ARPC1A: variants seen among roughly 807,000 people sequenced by gnomAD.
ARPC1A encodes the protein actin-related protein 2/3 complex subunit 1A.
A neutral mutation model predicts 46.9 loss-of-function variants in ARPC1A; 8 were observed. The observed-to-expected ratio is 0.17, with a 90% CI of 0.10 to 0.31. The LOEUF (loss-of-function observed/expected upper bound fraction) is 0.31, where lower values mean the gene tolerates loss of function less well. Among genes scored for constraint, ARPC1A ranks in the 10% least tolerant of loss-of-function variants. The pLI, the probability that ARPC1A is intolerant of heterozygous loss-of-function variation, is 1.00. For missense variants in ARPC1A, 286 were observed against 483.6 expected, an observed-to-expected ratio of 0.59 and a Z score of 3.83; for synonymous variants, 152 against 169.0, an observed-to-expected ratio of 0.90 and a Z score of 0.78.
At chr7:99,336,500 TTTTTTTTTTG>T in intron 2 of ARPC1A, among the ~76,000 whole-genome samples, 1 of 143,872 alleles carries the variant, frequency 7.0e-6, no homozygotes, top group African/African-American at 2.6e-5. Context: ...TTTTTTTTTT[TTTTTTTTTTG>T]AGACAGGGTC....
chr7:99,364,453 G>A (rs1287602205), intron 9 of ARPC1A, among the ~76,000 whole-genome samples: 2 of 151,606 alleles, frequency 1.3e-5, no homozygotes, highest in African/African-American at 4.9e-5. Flanking sequence ...TGTGTTTTTA[G>A]TAGAGATGGG....
chr7:99,359,694 G>A lies in ARPC1A; in HGVS notation c.939G>A (p.Glu313=). The part of the protein sequence containing the change: ...FRNMDKRATT[E]DRNTALETLH... ...ACATGGACAAGAGAGCCACAACTGA[G>A]GACCGCAACACGGCCTTGGAGACGC... The change falls in exon 8 of 10, where the codon GAG becomes GAA. Residue 313 remains glutamate (E), a synonymous_variant. Coordinates refer to ENST00000262942, the MANE Select transcript of ARPC1A (RefSeq NM_006409.4). The A allele has an allele frequency of 6.2e-7, 1 of 1,614,200 alleles. No individual in the cohort carries two copies.
chr7:99,365,109 C>T (rs548487898), intron 9 of ARPC1A, among the ~76,000 whole-genome samples: 1 of 152,102 alleles, frequency 6.6e-6, no homozygotes, highest in Non-Finnish European at 1.5e-5. Flanking sequence ...GCCTCTGAGG[C>T]GCTGCCCGTG....
chr7:99,334,108 C>T (rs923004953), intron 2 of ARPC1A, among the ~76,000 whole-genome samples: 2 of 150,762 alleles, frequency 1.3e-5, no homozygotes, highest in Non-Finnish European at 2.9e-5. Context: ...TGTCTGTAAT[C>T]CCAGCACTTT....
intron 1 of ARPC1A, among the ~76,000 whole-genome samples, chr7:99,328,883 C>T (rs537229801): frequency 6.6e-6 from 1 of 151,270 alleles, no homozygotes; most frequent in South Asian, 2.1e-4. Context: ...CCTGGGAAGC[C>T]GAGGTTGCAG....
intron 3 of ARPC1A, among the ~76,000 whole-genome samples, chr7:99,343,125 A>G (rs1243733743): frequency 6.6e-6 from 1 of 152,124 alleles, no homozygotes; most frequent in African/African-American, 2.4e-5. Flanking sequence ...ATAAATATTT[A>G]TTAGTAATAT....
At position 99,338,181 on chromosome 7, in the gene ARPC1A, A is replaced by T; in HGVS notation, c.65A>T (p.Gln22Leu). The T allele has an allele frequency of 6.2e-7, 1 of 1,605,848 alleles. No homozygotes were observed. Among genetic ancestry groups the T allele is most frequent in the Non-Finnish European group, 8.5e-7 (1 of 1,173,044 alleles). Residue 22 changes from glutamine to leucine, a missense_variant and splice_region_variant, in exon 3 of 10, where the codon CAG becomes CTG. Transcript: ENST00000262942. ...ACTGTTGTTTGACTTGTGTCTCCAGAGATTGCCCTCAGTCCCAATAATCAC... is the reference window on the plus strand; with the variant it reads ...ACTGTTGTTTGACTTGTGTCTCCAGTGATTGCCCTCAGTCCCAATAATCAC... ...TCHAWNRDRT[Q>L]IALSPNNHEV...
intron 6 of ARPC1A, among the ~76,000 whole-genome samples, chr7:99,354,420 G>T (rs1489075147): frequency 2.0e-5 from 3 of 151,064 alleles, no homozygotes; most frequent in Admixed American, 6.6e-5. Flanking sequence ...TACTCGGAAG[G>T]CTGAGGCAGA....
At chr7:99,355,790 A>G (rs1793617485) in intron 6 of ARPC1A, among the ~76,000 whole-genome samples, 1 of 151,246 alleles carries the variant, frequency 6.6e-6, no homozygotes, top group Admixed American at 6.6e-5. Flanking sequence ...TTCCTTACAA[A>G]ATGTAAGTGC....
intron 1 of ARPC1A, among the ~76,000 whole-genome samples, 193 bp downstream of exon 1, chr7:99,326,197 T>C (rs1276352005): frequency 1.3e-5 from 2 of 152,140 alleles, no homozygotes; most frequent in African/African-American, 4.8e-5. Context: ...CCTGCAGCTT[T>C]TCTCAGGATG....
chr7:99,349,583 A>G (rs543790072), intron 5 of ARPC1A, among the ~76,000 whole-genome samples: 1 of 152,188 alleles, frequency 6.6e-6, no homozygotes, highest in African/African-American at 2.4e-5. Context: ...TCACGCCCGT[A>G]ATCCCAGCAC....
intron 2 of ARPC1A, among the ~76,000 whole-genome samples, chr7:99,334,561 T>TA (rs1184433282): frequency 6.6e-6 from 1 of 152,200 alleles, no homozygotes; most frequent in Non-Finnish European, 1.5e-5. Context: ...CTTAAAGCTT[T>TA]AGTCCTTTTA....
chr7:99,326,735 C>T (rs1301135170), intron 1 of ARPC1A, among the ~76,000 whole-genome samples: 1 of 152,148 alleles, frequency 6.6e-6, no homozygotes, highest in Non-Finnish European at 1.5e-5. Context: ...AGTTCCTGGC[C>T]GAGAGTAGGT....
chr7:99,356,375 C>T (rs1022449884), intron 6 of ARPC1A, among the ~76,000 whole-genome samples: 6 of 152,134 alleles, frequency 3.9e-5, no homozygotes, highest in South Asian at 2.1e-4. Flanking sequence ...GAGGCCGAGG[C>T]GGGTGGATCA....
intron 2 of ARPC1A, among the ~76,000 whole-genome samples, chr7:99,336,466 G>A (rs1793253277): frequency 6.7e-6 from 1 of 148,858 alleles, no homozygotes; most frequent in Admixed American, 6.7e-5. Context: ...CCTAAAGTTT[G>A]GATCATAGGT....
chr7:99,336,724 T>C (rs1012281615), intron 2 of ARPC1A, among the ~76,000 whole-genome samples: 1 of 152,002 alleles, frequency 6.6e-6, no homozygotes, highest in Non-Finnish European at 1.5e-5. Flanking sequence ...GAACTCCTGA[T>C]CACAGGTGAT....
intron 7 of ARPC1A, 118 bp from the exon 8 acceptor site, chr7:99,359,427 C>T (rs1186016994): frequency 4.1e-6 from 4 of 985,140 alleles, no homozygotes; most frequent in Non-Finnish European, 5.8e-6. Context: ...CAGAGCAAGA[C>T]TCGGTCTCAA....
intron 4 of ARPC1A, among the ~76,000 whole-genome samples, chr7:99,344,864 CTTTTTTT>C (rs60398022): frequency 1.4e-5 from 1 of 69,318 alleles, no homozygotes; most frequent in East Asian, 5.4e-4. Context: ...AATATTTTTT[CTTTTTTT>C]TTTTTTTTCA....
At chr7:99,363,879 T>C (rs1403171298) in intron 9 of ARPC1A, among the ~76,000 whole-genome samples, 1 of 152,166 alleles carries the variant, frequency 6.6e-6, no homozygotes, top group African/African-American at 2.4e-5. Flanking sequence ...ATGTTTCTCA[T>C]TTCTTGAAAC....
Sources: gnomAD v4.1 joint callset for allele counts (sites outside exome capture counted in the v4.1 genomes callset) on GRCh38, gnomAD v4.1.1 for gene constraint, MANE v1.5 for transcripts, NCBI Gene and HGNC (gene_info 2026-07-23, HGNC 2026-07-21) for gene names.